Variants in TDRD9 observed in about 807,000 individuals in gnomAD.
The protein encoded by TDRD9 is ATP-dependent RNA helicase TDRD9.
A neutral mutation model predicts 172.6 loss-of-function variants in TDRD9; 124 were observed. The observed-to-expected ratio is 0.72, with a 90% CI of 0.62 to 0.83. The LOEUF (loss-of-function observed/expected upper bound fraction) is 0.83. Among genes scored for constraint, TDRD9 ranks in the 40% least tolerant of loss-of-function variants. The pLI, the probability that TDRD9 is intolerant of heterozygous loss-of-function variation, is 0.00. For missense variants in TDRD9, 1,479 were observed against 1,714.1 expected (o/e 0.86, Z 2.42); for synonymous variants, 619 against 617.1 (o/e 1.00, Z -0.05).
intron 8 of TDRD9, among the ~76,000 whole-genome samples, chr14:103,987,157 CA>C (rs1566761775): frequency 1.5e-4 from 22 of 150,158 alleles, no homozygotes; most frequent in Non-Finnish European, 2.4e-4. Context: ...CACACACACA[CA>C]CACACCATAT....
chr14:103,943,395 A>G (rs2031364087), intron 1 of TDRD9, among the ~76,000 whole-genome samples: 2 of 151,196 alleles, frequency 1.3e-5, no homozygotes, highest in South Asian at 4.2e-4. Context: ...TATTTTATAT[A>G]TGTACATATA....
chr14:103,936,913 G>A lies in TDRD9; in HGVS notation c.215+8189G>A, dbSNP rs181328683. 2.6e-4 allele frequency among the ~76,000 whole-genome samples: 39 copies of A among 152,230 alleles called. 1 individual carries two copies. The highest frequency in any genetic ancestry group is 5.8e-4 in the East Asian group (3 of 5,180). The stretch of plus-strand genomic sequence containing the variant: ...TCGAGACTAGCCTGGGCAACATAGG[G>A]AGACCCTGTCTCTACAAAATATTAA... On this transcript the variant is annotated intron_variant, in intron 1 of 35. Transcript: ENST00000409874.
intron 33 of TDRD9, among the ~76,000 whole-genome samples, chr14:104,041,452 G>A (rs1361119154): frequency 6.6e-6 from 1 of 152,158 alleles, no homozygotes; most frequent in Non-Finnish European, 1.5e-5. Context: ...GTGCACACCA[G>A]GAGAAAATAG....
intron 1 of TDRD9, among the ~76,000 whole-genome samples, chr14:103,952,163 T>C (rs1473472919): frequency 2.1e-5 from 3 of 142,324 alleles, no homozygotes; most frequent in Non-Finnish European, 3.0e-5. Flanking sequence ...CGTGTATATA[T>C]GTGTATATAT....
At chr14:103,954,754 G>T (rs183630503) in intron 1 of TDRD9, among the ~76,000 whole-genome samples, 1 of 150,330 alleles carries the variant, frequency 6.7e-6, no homozygotes, top group Non-Finnish European at 1.5e-5. Context: ...TTAGCCTCTC[G>T]AGTAGCTGGG....
intron 8 of TDRD9, among the ~76,000 whole-genome samples, chr14:103,989,998 A>G (rs1021375544): frequency 2.0e-5 from 3 of 152,234 alleles, no homozygotes; most frequent in African/African-American, 7.2e-5. Flanking sequence ...TGACCAAGCT[A>G]TTAGCCTCTG....
In TDRD9 at chr14:103,991,178, G is replaced by T. The variant is rs1238512858; in HGVS notation, c.1134G>T (p.Gly378=). The T allele has an allele frequency of 6.2e-7, 1 of 1,613,936 alleles. No homozygotes were observed. The highest frequency in any genetic ancestry group is 2.2e-5 in the East Asian group (1 of 44,874). ...TTAACAGGAACAAGGCTTGGTCGGG[G>T]GCCCAGTTTGTGTTGGAGCGAAGCA... ...MKESGNKAWS[G]AQFVLERSSV... Residue 378 remains glycine, a synonymous_variant, in exon 9 of 36, where the codon GGG becomes GGT. Transcript: ENST00000409874.
intron 12 of TDRD9, among the ~76,000 whole-genome samples, chr14:103,996,214 G>T (rs1002586070): frequency 6.6e-6 from 1 of 152,180 alleles, no homozygotes; most frequent in African/African-American, 2.4e-5. Context: ...TTCCACATAT[G>T]TGTCTGTAAT....
At chr14:103,987,176 C>A (rs745679933) in intron 8 of TDRD9, among the ~76,000 whole-genome samples, 5 of 150,880 alleles carry the variant, frequency 3.3e-5, no homozygotes, top group African/African-American at 9.7e-5. Flanking sequence ...TATGATTGAG[C>A]CTTTACAGCA....
intron 31 of TDRD9, among the ~76,000 whole-genome samples, chr14:104,034,461 A>T (rs915143057): frequency 6.6e-6 from 1 of 152,142 alleles, no homozygotes; most frequent in Non-Finnish European, 1.5e-5. Context: ...AAGTACTGGG[A>T]TTACAGGCGT....
chr14:103,970,722 G>A (rs2032984677), intron 6 of TDRD9, 101 bp downstream of exon 6: 1 of 879,726 alleles, frequency 1.1e-6, no homozygotes, highest in Admixed American at 2.6e-5. Context: ...AGCATTCTGG[G>A]ACCCCGGACA....
At chr14:104,019,389 A>G (rs923108223) in intron 23 of TDRD9, among the ~76,000 whole-genome samples, 1 of 152,034 alleles carries the variant, frequency 6.6e-6, no homozygotes, top group Non-Finnish European at 1.5e-5. Context: ...TTTGAGACAG[A>G]GTCTTGCTCT....
chr14:104,026,896 A>T lies in TDRD9; in HGVS notation c.3239A>T (p.Gln1080Leu). The T allele has an allele frequency of 6.2e-7, 1 of 1,614,034 alleles. No individual in the cohort carries two copies. The highest frequency in any genetic ancestry group is 1.1e-5 in the South Asian group (1 of 91,086). ...DAINIRDVLIQQGYAELTEES... is the reference protein window; with the variant it reads ...DAINIRDVLILQGYAELTEES... The stretch of plus-strand genomic sequence containing the variant: ...ATCAACATAAGAGACGTCCTCATCC[A>T]GCAGGGCTATGCCGAGCTCACGGAG... Residue 1080 changes from glutamine to leucine, a missense_variant, in exon 28 of 36, where the codon CAG becomes CTG. Physicochemically the swap from Gln to Leu is moderately radical, Grantham distance 113 (BLOSUM62 -2). Transcript: ENST00000409874.
At chr14:104,037,097 G>C (rs889150600) in intron 32 of TDRD9, among the ~76,000 whole-genome samples, 1 of 151,964 alleles carries the variant, frequency 6.6e-6, no homozygotes, top group Admixed American at 6.6e-5. Flanking sequence ...GATGACAGCT[G>C]TTTGATTTGG....
At chr14:103,990,387 C>CA (rs921721468) in intron 8 of TDRD9, among the ~76,000 whole-genome samples, 8 of 152,242 alleles carry the variant, frequency 5.3e-5, no homozygotes, top group Admixed American at 4.6e-4. Context: ...TGACTGTTCC[C>CA]AGGCATTGCC....
intron 2 of TDRD9, among the ~76,000 whole-genome samples, chr14:103,962,453 A>G (rs1004782709): frequency 6.6e-6 from 1 of 152,200 alleles, no homozygotes; most frequent in Non-Finnish European, 1.5e-5. Flanking sequence ...ATACAAGATT[A>G]ATAGTGGGCT....
rs765283692 is a variant in TDRD9, at chr14:103,991,231, A to G, written c.1180+7A>G. The stretch of plus-strand genomic sequence containing the variant: ...GTGTTGGTGTTTTTGCCAGGTAAGA[A>G]CATCATAATTTTGTGACTTGGAATC... On this transcript the variant is annotated splice_region_variant and intron_variant, in intron 9 of 35. Transcript: ENST00000409874. The G allele has an allele frequency of 1.9e-6, 3 of 1,613,940 alleles. No homozygotes were observed. Among genetic ancestry groups the G allele is most frequent in the Non-Finnish European group, 2.5e-6 (3 of 1,179,872 alleles).
rs1384599571 is a variant in TDRD9 at position 104,005,377 on chromosome 14, T to C, written c.1685T>C (p.Ile562Thr). Residue 562 changes from isoleucine (I) to threonine (T), a missense_variant, in exon 15 of 36, where the codon ATT (isoleucine) becomes ACT (threonine). Physicochemically the swap from Ile to Thr is moderately conservative, Grantham distance 89 (BLOSUM62 -1). Transcript: ENST00000409874. ...CTTTCCCCGCCTGGTCTGAGTGACA[T>C]TGAGCGCACCATCCTTCTACTAAAG... ...TALSPPGLSD[I>T]ERTILLLKEV... 6.2e-6 allele frequency: 10 copies of C among 1,613,844 alleles called. No individual in the cohort carries two copies. Among genetic ancestry groups the C allele is most frequent in the South Asian group, 1.1e-5 (1 of 91,084 alleles).
In TDRD9 at chr14:104,022,153, A is replaced by G. The variant is rs1402790877; in HGVS notation, c.2433-4A>G. On this transcript the variant is annotated splice_polypyrimidine_tract_variant and splice_region_variant and intron_variant, in intron 23 of 35. Coordinates refer to ENST00000409874, the MANE Select transcript of TDRD9 (RefSeq NM_153046.3). ...TTATTTTTAAATTTACATTTGTGGA[A>G]CAGAGCCTTTGTGGAATTCTCACGA... 22 of 1,550,904 alleles carry G rather than the reference A, an allele frequency of 1.4e-5. No homozygotes were observed. The highest frequency in any genetic ancestry group is 1.8e-5 in the Non-Finnish European group (21 of 1,146,750).
Sources: gnomAD v4.1 joint callset for allele counts (sites outside exome capture counted in the v4.1 genomes callset) on GRCh38, gnomAD v4.1.1 for gene constraint, MANE v1.5 for transcripts, NCBI Gene and HGNC (gene_info 2026-07-23, HGNC 2026-07-21) for gene names.